The following ANAPC11 variants were observed in gnomAD, a reference collection of about 807,000 sequenced individuals.
ANAPC11 encodes anaphase promoting complex subunit 11.
A neutral mutation model predicts 11.8 loss-of-function variants in ANAPC11; 5 were observed. The observed-to-expected ratio is 0.42, with a 90% confidence interval of 0.22 to 0.89. ANAPC11 has a LOEUF of 0.89. Ranked by LOEUF, ANAPC11 falls within the 40% of genes least tolerant of loss-of-function variation. The probability of loss-of-function intolerance (pLI) is 0.28; values close to 1 mark genes in which losing one functional copy is unlikely to be tolerated. For missense variants in ANAPC11, 68 were observed against 112.9 expected (o/e 0.60, Z 1.80); for synonymous variants, 45 against 41.0 (o/e 1.10, Z -0.38).
chr17:81,898,427 C>T (rs183699668), intron 3 of ANAPC11: 46 of 152,388 alleles, frequency 3.0e-4, no homozygotes, highest in African/African-American at 9.6e-4. Flanking sequence ...AGCATGTCTC[C>T]GCTGACACAG....
intron 2 of ANAPC11, among the ~76,000 whole-genome samples, chr17:81,894,072 G>C (rs1461877110): frequency 1.3e-5 from 2 of 151,808 alleles, no homozygotes; most frequent in Admixed American, 1.3e-4. Context: ...GAGGCCAGGA[G>C]TTCAAGACCA....
At chr17:81,897,031 C>T (rs2039769775) in intron 3 of ANAPC11, among the ~76,000 whole-genome samples, 2 of 151,904 alleles carry the variant, frequency 1.3e-5, no homozygotes, top group South Asian at 2.1e-4. Context: ...GACAGAGTCT[C>T]ACTCTGTCAC....
At chr17:81,891,353 G>A, upstream of ANAPC11, 1 of 1,156,592 alleles carries the variant, frequency 8.6e-7, no homozygotes, top group South Asian at 2.9e-5. Flanking sequence ...GGTTCCTGCC[G>A]CCTCCGCCGG....
At chr17:81,897,489 T>G (rs945055171) in intron 3 of ANAPC11, among the ~76,000 whole-genome samples, 2 of 152,132 alleles carry the variant, frequency 1.3e-5, no homozygotes, top group Non-Finnish European at 2.9e-5. Flanking sequence ...ACAATTTTTT[T>G]TTTTTGAGAC....
intron 3 of ANAPC11, chr17:81,894,873 ATGC>A: frequency 2.9e-6 from 1 of 342,366 alleles, no homozygotes; most frequent in Non-Finnish European, 5.2e-6. Context: ...ATGTGCCACC[ATGC>A]TGGGCTAATT....
chr17:81,892,839 A>G (rs917607244), intron 1 of ANAPC11, among the ~76,000 whole-genome samples: 9 of 151,618 alleles, frequency 5.9e-5, no homozygotes. Context: ...ATGGATTTTA[A>G]GTTGTTTTGA....
chr17:81,892,885 T>C (rs2039595068), intron 1 of ANAPC11, among the ~76,000 whole-genome samples: 1 of 151,992 alleles, frequency 6.6e-6, no homozygotes, highest in Admixed American at 6.6e-5. Context: ...TGAGTCAGGG[T>C]CTCCCTCCGT....
chr17:81,899,354 G>A (rs141853377), intron 3 of ANAPC11: 144 of 1,613,754 alleles, frequency 8.9e-5, no homozygotes, highest in African/African-American at 1.3e-4. Context: ...CTTCCCCAAC[G>A]CCTGGGCAGC....
chr17:81,899,328 G>T, intron 3 of ANAPC11: 2 of 1,613,624 alleles, frequency 1.2e-6, no homozygotes, highest in Non-Finnish European at 1.7e-6. Flanking sequence ...CCATCCACAG[G>T]TGCCCATCAA....
chr17:81,899,262 AT>A, intron 3 of ANAPC11: 6 of 1,611,906 alleles, frequency 3.7e-6, no homozygotes, highest in Admixed American at 3.3e-5. Flanking sequence ...TGGAGAAAGC[AT>A]TTCTAGGTGT....
chr17:81,897,397 G>A (rs1453595269), intron 3 of ANAPC11, among the ~76,000 whole-genome samples: 1 of 152,120 alleles, frequency 6.6e-6, no homozygotes, highest in Non-Finnish European at 1.5e-5. Context: ...GCCTCCCAAA[G>A]TACCAGGATT....
chr17:81,891,207 C>A, upstream of ANAPC11: 2 of 783,432 alleles, frequency 2.6e-6, no homozygotes, highest in South Asian at 7.3e-5. Flanking sequence ...GACCTCCGGG[C>A]GGCCGCTCCA....
chr17:81,891,423 G>C (rs1156320997), upstream of ANAPC11: 24 of 1,016,346 alleles, frequency 2.4e-5, no homozygotes, highest in Non-Finnish European at 2.8e-5. Context: ...ATTCACTCGC[G>C]CGGCGGCCTG....
At chr17:81,892,523 GA>G (rs1366287847) in intron 1 of ANAPC11, among the ~76,000 whole-genome samples, 6 of 139,678 alleles carry the variant, frequency 4.3e-5, no homozygotes, top group Non-Finnish European at 6.2e-5. Context: ...CCATTTCATT[GA>G]TTTTTTTTTT....
chr17:81,892,561 C>T (rs1219564367), intron 1 of ANAPC11, among the ~76,000 whole-genome samples: 13 of 138,714 alleles, frequency 9.4e-5, no homozygotes, highest in Non-Finnish European at 1.5e-4. Context: ...CTCATTCTGT[C>T]GCCCAGGCTG....
chr17:81,895,785 T>C (rs1014082294), intron 3 of ANAPC11, among the ~76,000 whole-genome samples: 25 of 152,072 alleles, frequency 1.6e-4, no homozygotes, highest in African/African-American at 5.1e-4. Flanking sequence ...CTGGCCAACA[T>C]AGTGAAACGC....
intron 3 of ANAPC11, among the ~76,000 whole-genome samples, chr17:81,895,577 G>A (rs1200530314): frequency 1.3e-5 from 2 of 151,974 alleles, no homozygotes; most frequent in Admixed American, 6.6e-5. Flanking sequence ...GTGGGAGGCC[G>A]AGGCGGGCGG....
At chr17:81,896,250 G>A (rs917938514) in intron 3 of ANAPC11, among the ~76,000 whole-genome samples, 35 of 151,938 alleles carry the variant, frequency 2.3e-4, no homozygotes, top group Admixed American at 9.2e-4. Flanking sequence ...GTAAAATCCC[G>A]TCTCTACTAA....
chr17:81,898,305 T>C (rs901167921), intron 3 of ANAPC11: 15 of 152,256 alleles, frequency 9.9e-5, no homozygotes, highest in African/African-American at 3.4e-4. Context: ...TGGTGCTAGG[T>C]AGCCCCCAAG....
Sources: gnomAD v4.1 joint callset for allele counts (sites outside exome capture counted in the v4.1 genomes callset) on GRCh38, gnomAD v4.1.1 for gene constraint, MANE v1.5 for transcripts, NCBI Gene and HGNC (gene_info 2026-07-23, HGNC 2026-07-21) for gene names.